Variants in ARIH1 observed in about 807,000 individuals in gnomAD.
ARIH1 encodes E3 ubiquitin-protein ligase ARIH1.
A neutral mutation model predicts 85.0 loss-of-function variants in ARIH1; 8 were observed. That is an observed-to-expected ratio of 0.09 (90% CI 0.06 to 0.17). The LOEUF is 0.17. Ranked by LOEUF, ARIH1 falls within the 10% of genes least tolerant of loss-of-function variation. The pLI is 1.00. For synonymous variants in ARIH1, 238 were observed against 253.6 expected (o/e 0.94, Z 0.59); for missense variants, 311 against 718.1 (o/e 0.43, Z 6.48).
intron 3 of ARIH1, among the ~76,000 whole-genome samples, chr15:72,549,819 T>C (rs986037697): frequency 6.6e-6 from 1 of 152,236 alleles, no homozygotes; most frequent in African/African-American, 2.4e-5. Flanking sequence ...TTGTAGATAA[T>C]ATTTCATGTA....
chr15:72,474,855 C>A lies in ARIH1; in HGVS notation c.216C>A (p.Ser72Arg). The A allele has an allele frequency of 7.3e-7, 1 of 1,368,970 alleles. No individual in the cohort carries two copies. Among genetic ancestry groups the A allele is most frequent in the Non-Finnish European group, 9.4e-7 (1 of 1,061,962 alleles). 84.8% of individuals were successfully genotyped at this position (1,368,970 alleles called of 1,614,324 possible). A position where few individuals can be genotyped will look rare whatever the true frequency, so the allele number is the denominator to read the frequency against. ...GGGAGACGGGCGGTGGCGGCGGCAG[C>A]GCTCTGGGGCCCGGCGGTGGCGGCG... ...LCGETGGGGG[S>R]ALGPGGGGGG... The change falls in exon 1 of 14, where the codon AGC (serine) becomes AGA (arginine). Residue 72 changes from serine (S) to arginine (R), a missense_variant. Physicochemically the swap from Ser to Arg is moderately radical, Grantham distance 110. This residue lies in a region of ARIH1 where 157 missense variants were observed against 185.1 expected (regional missense o/e 0.85). Transcript: ENST00000379887.
At chr15:72,490,040 T>C (rs56329297) in intron 1 of ARIH1, among the ~76,000 whole-genome samples, 455 of 152,110 alleles carry the variant, frequency 3.0e-3, no homozygotes, top group African/African-American at 0.01. Context: ...TTTGTAGCCT[T>C]GTGAATGTAA....
At chr15:72,545,019 C>G in intron 3 of ARIH1, 55 bp downstream of exon 3, 1 of 1,447,062 alleles carries the variant, frequency 6.9e-7, no homozygotes, top group Non-Finnish European at 9.2e-7. Context: ...GAGGGTAAAT[C>G]AACTTCCATT....
intron 11 of ARIH1, among the ~76,000 whole-genome samples, chr15:72,574,210 T>G (rs1567359802): frequency 1.3e-5 from 2 of 152,238 alleles, no homozygotes; most frequent in Non-Finnish European, 2.9e-5. Context: ...AGCCAGAGTC[T>G]AATGTTTAGA....
rs1359579089 is a variant in ARIH1, at chr15:72,587,172, C to CT, written c.*3881dup. 2 of 494,312 alleles carry CT rather than the reference C, an allele frequency of 4.0e-6. No homozygotes were observed. The highest frequency in any genetic ancestry group is 2.2e-5 in the Admixed American group (1 of 46,444). 30.6% of individuals were successfully genotyped at this position (494,312 alleles called of 1,614,324 possible). On this transcript the variant is annotated 3_prime_UTR_variant, in exon 14 of 14. Coordinates refer to ENST00000379887, the MANE Select transcript of ARIH1 (RefSeq NM_005744.5). ...TTATAAAGGAGGAAGATAAGGCTCACTGAGGTTAAATAACTCCCTCAATTT... is the reference window on the plus strand; with the variant it reads ...TTATAAAGGAGGAAGATAAGGCTCACTTGAGGTTAAATAACTCCCTCAATTT...
chr15:72,550,859 A>AC (rs2064150154), intron 3 of ARIH1, among the ~76,000 whole-genome samples: 1 of 151,988 alleles, frequency 6.6e-6, no homozygotes, highest in Admixed American at 6.6e-5. Flanking sequence ...TTTAGTAGAG[A>AC]CAGGGTTTCA....
intron 11 of ARIH1, among the ~76,000 whole-genome samples, chr15:72,576,843 A>C (rs2064273633): frequency 6.6e-6 from 1 of 152,144 alleles, no homozygotes; most frequent in African/African-American, 2.4e-5. Flanking sequence ...CTACCTCCGC[A>C]ATGGAAAATC....
Position 72,591,285 on chromosome 15 carries a change from C to G in ARIH1, c.*7993C>G, listed in dbSNP as rs983748436. On this transcript the variant is annotated 3_prime_UTR_variant, in exon 14 of 14. Transcript: ENST00000379887. ...TACAAAACCAACTCTTTATAGTAGA[C>G]AGTTTATCCCCCAGAAAGCTTTTTA... 5.5e-5 allele frequency: 8 copies of G among 146,046 alleles called. No homozygotes were observed. The highest frequency in any genetic ancestry group is 1.1e-4 in the Non-Finnish European group (7 of 66,332). The allele number at this position is 146,046 out of a possible 1,614,324, so 9.0% of individuals were successfully genotyped here.
intron 2 of ARIH1, among the ~76,000 whole-genome samples, chr15:72,543,336 G>A (rs2064116129): frequency 1.3e-5 from 2 of 152,152 alleles, no homozygotes; most frequent in Middle Eastern, 3.4e-3. Flanking sequence ...CAGTCTGGGC[G>A]ACAGAGTGAG....
intron 1 of ARIH1, among the ~76,000 whole-genome samples, chr15:72,514,815 A>G (rs2063967381): frequency 6.6e-6 from 1 of 151,746 alleles, no homozygotes; most frequent in African/African-American, 2.4e-5. Context: ...AGACCAGTAG[A>G]GGGGGTTTCA....
intron 3 of ARIH1, among the ~76,000 whole-genome samples, chr15:72,549,249 G>A (rs2064142879): frequency 6.6e-6 from 1 of 151,736 alleles, no homozygotes; most frequent in African/African-American, 2.4e-5. Context: ...CACCACACCT[G>A]TCTAATTTTT....
intron 3 of ARIH1, among the ~76,000 whole-genome samples, chr15:72,551,370 G>A (rs1457232839): frequency 4.6e-5 from 7 of 152,304 alleles, no homozygotes; most frequent in South Asian, 4.1e-4. Flanking sequence ...TAGACAGAGC[G>A]GTGGAACAGG....
chr15:72,501,256 T>C (rs1004723638), intron 1 of ARIH1, among the ~76,000 whole-genome samples: 3 of 152,214 alleles, frequency 2.0e-5, no homozygotes, highest in Non-Finnish European at 4.4e-5. Flanking sequence ...TTTTCAAAAA[T>C]AGAATTTTTC....
intron 2 of ARIH1, among the ~76,000 whole-genome samples, chr15:72,519,710 C>T (rs889759091): frequency 6.6e-6 from 1 of 151,828 alleles, no homozygotes; most frequent in Non-Finnish European, 1.5e-5. Flanking sequence ...TCTCGAACTC[C>T]CAACCTCAGG....
At chr15:72,573,406 C>T (rs967385743) in intron 11 of ARIH1, among the ~76,000 whole-genome samples, 4 of 152,002 alleles carry the variant, frequency 2.6e-5, no homozygotes, top group Non-Finnish European at 5.9e-5. Context: ...ACTAAAAATA[C>T]AAAAATTAGC....
At chr15:72,500,384 T>C (rs550596709) in intron 1 of ARIH1, among the ~76,000 whole-genome samples, 36 of 152,274 alleles carry the variant, frequency 2.4e-4, no homozygotes, top group African/African-American at 8.7e-4. Flanking sequence ...TGAGCCACTT[T>C]ATGACTTTAT....
chr15:72,491,310 C>A (rs979579980), intron 1 of ARIH1, among the ~76,000 whole-genome samples: 1 of 151,236 alleles, frequency 6.6e-6, no homozygotes, highest in African/African-American at 2.4e-5. Context: ...TTCCCCCCAC[C>A]CCCCCATAAA....
intron 1 of ARIH1, among the ~76,000 whole-genome samples, chr15:72,501,786 T>C (rs1332287429): frequency 6.6e-6 from 1 of 152,192 alleles, no homozygotes; most frequent in African/African-American, 2.4e-5. Flanking sequence ...CATGAGGTGG[T>C]CTATATTTAT....
rs997736228 is a variant in ARIH1, at chr15:72,583,714, A to G, written c.*422A>G. The G allele has an allele frequency of 6.3e-6, 1 of 158,870 alleles. No homozygotes were observed. Among genetic ancestry groups the G allele is most frequent in the Non-Finnish European group, 1.4e-5 (1 of 72,072 alleles). The allele number at this position is 158,870 out of a possible 1,614,324, so 9.8% of individuals were successfully genotyped here. A position where few individuals can be genotyped will look rare whatever the true frequency, so the allele number is the denominator to read the frequency against. On this transcript the variant is annotated 3_prime_UTR_variant, in exon 14 of 14. Coordinates refer to ENST00000379887, the MANE Select transcript of ARIH1 (RefSeq NM_005744.5). ...ACCTCTTCCCCTTCCTCCCCTACAC[A>G]TACAGATACACCCACACACAGACTG...
Sources: allele counts gnomAD v4.1 joint callset (sites outside exome capture counted in the v4.1 genomes callset), GRCh38; gene constraint gnomAD v4.1.1; regional missense constraint gnomAD v4.1.1; transcripts MANE v1.5; gene names NCBI Gene and HGNC (gene_info 2026-07-23, HGNC 2026-07-21).